ZFPM2: variants seen among roughly 807,000 people sequenced by gnomAD.
The protein encoded by ZFPM2 is zinc finger protein ZFPM2.
In ZFPM2, 20 loss-of-function variants were observed where a neutral mutation model predicts 98.6. That is an observed-to-expected ratio of 0.20 (90% confidence interval 0.14 to 0.29). The LOEUF (loss-of-function observed/expected upper bound fraction) is 0.29. Among genes scored for constraint, ZFPM2 ranks in the 10% least tolerant of loss-of-function variants. ZFPM2 has a pLI of 1.00. For synonymous variants in ZFPM2, 518 were observed against 502.7 expected (o/e 1.03, Z -0.41); for missense variants, 1,310 against 1,388.6 (o/e 0.94, Z 0.90).
At chr8:105,706,834 C>T (rs1811274788) in intron 5 of ZFPM2, among the ~76,000 whole-genome samples, 1 of 152,194 alleles carries the variant, frequency 6.6e-6, no homozygotes, top group Admixed American at 6.5e-5. Context: ...CCCGCCTCGG[C>T]CTCCCAAAGT....
chr8:105,559,169 C>T (rs1349320), intron 3 of ZFPM2, among the ~76,000 whole-genome samples: 10,396 of 152,140 alleles, frequency 0.068, 689 homozygotes, highest in African/African-American at 0.18. Flanking sequence ...AAAACATTTT[C>T]AGAGGAAAAT....
intron 4 of ZFPM2, among the ~76,000 whole-genome samples, chr8:105,591,127 A>G (rs1815833644): frequency 6.6e-6 from 1 of 152,130 alleles, no homozygotes; most frequent in Non-Finnish European, 1.5e-5. Context: ...AAAAGTAAAT[A>G]TAGACTATGA....
intron 4 of ZFPM2, among the ~76,000 whole-genome samples, chr8:105,584,473 C>T (rs1815670642): frequency 6.6e-6 from 1 of 152,020 alleles, no homozygotes; most frequent in Non-Finnish European, 1.5e-5. Flanking sequence ...TTTCTTTTTC[C>T]CGTGGCGTCA....
At chr8:105,467,781 G>A (rs1812821744) in intron 3 of ZFPM2, among the ~76,000 whole-genome samples, 1 of 151,832 alleles carries the variant, frequency 6.6e-6, no homozygotes, top group South Asian at 2.1e-4. Flanking sequence ...ATAAAAAAGA[G>A]TGTTCCTATG....
intron 1 of ZFPM2, among the ~76,000 whole-genome samples, chr8:105,328,630 A>G (rs1812158072): frequency 6.6e-6 from 1 of 151,882 alleles, no homozygotes; most frequent in Admixed American, 6.6e-5. Context: ...GTTTTTTCCA[A>G]GACTGTTGTC....
intron 3 of ZFPM2, among the ~76,000 whole-genome samples, chr8:105,521,660 C>G (rs540749503): frequency 6.6e-6 from 1 of 152,152 alleles, no homozygotes; most frequent in Admixed American, 6.5e-5. Context: ...TCACTGCAAC[C>G]TCTGCCTCCT....
intron 4 of ZFPM2, among the ~76,000 whole-genome samples, chr8:105,562,460 A>G (rs1586464886): frequency 6.6e-6 from 1 of 152,150 alleles, no homozygotes; most frequent in Non-Finnish European, 1.5e-5. Context: ...TGTGCCTTAA[A>G]ACAACATAAA....
intron 2 of ZFPM2, among the ~76,000 whole-genome samples, chr8:105,433,947 A>T (rs1034940277): frequency 1.3e-5 from 2 of 152,230 alleles, no homozygotes; most frequent in African/African-American, 4.8e-5. Flanking sequence ...TTTCATATTA[A>T]GGAGTCTGAA....
chr8:105,787,963 CCAGAGT>C (rs1813471684), intron 5 of ZFPM2, among the ~76,000 whole-genome samples: 1 of 152,056 alleles, frequency 6.6e-6, no homozygotes, highest in Non-Finnish European at 1.5e-5. Context: ...ACATGCAGTG[CCAGAGT>C]ATATCTCAGT....
At chr8:105,561,520 G>C in intron 4 of ZFPM2, 39 bp downstream of exon 4, 1 of 1,468,396 alleles carries the variant, frequency 6.8e-7, no homozygotes, top group Non-Finnish European at 9.3e-7. Flanking sequence ...TTTTGTCATC[G>C]ACTGTTAGTA....
chr8:105,354,125 G>A (rs1341800937), intron 1 of ZFPM2, among the ~76,000 whole-genome samples: 3 of 152,164 alleles, frequency 2.0e-5, no homozygotes, highest in African/African-American at 7.2e-5. Flanking sequence ...TTTTTTACAC[G>A]AAGAAATGTG....
Position 105,585,641 on chromosome 8 carries a change from C to T in ZFPM2, c.420+24160C>T, listed in dbSNP as rs997621221. On this transcript the variant is annotated intron_variant, in intron 4 of 7. Coordinates refer to ENST00000407775, the MANE Select transcript of ZFPM2 (RefSeq NM_012082.4). ...ATTATATTCTAGTGACAAATACAGA[C>T]AAATAAATGTGCAATTACTATACAG... 5.3e-5 allele frequency among the ~76,000 whole-genome samples: 8 copies of T among 151,878 alleles called. No homozygotes were observed. The South Asian group carries it at 6.2e-4, about 12-fold the overall frequency.
chr8:105,323,238 C>T (rs1812060742), intron 1 of ZFPM2, among the ~76,000 whole-genome samples: 1 of 151,638 alleles, frequency 6.6e-6, no homozygotes, highest in Non-Finnish European at 1.5e-5. Context: ...GGGAATACTA[C>T]CTATATTTGA....
intron 5 of ZFPM2, among the ~76,000 whole-genome samples, chr8:105,733,252 A>T (rs1388654495): frequency 2.0e-5 from 3 of 151,912 alleles, no homozygotes; most frequent in Non-Finnish European, 2.9e-5. Context: ...CATGCCTCTT[A>T]TCTGGCCTCA....
chr8:105,677,748 A>G (rs1324769511), intron 5 of ZFPM2, among the ~76,000 whole-genome samples: 1 of 152,142 alleles, frequency 6.6e-6, no homozygotes, highest in Non-Finnish European at 1.5e-5. Context: ...AACTGAATTA[A>G]CTTCTAGGAG....
intron 3 of ZFPM2, among the ~76,000 whole-genome samples, chr8:105,479,377 T>C (rs532767003): frequency 1.7e-3 from 264 of 152,332 alleles, no homozygotes; most frequent in African/African-American, 6.1e-3. Context: ...TTTAAGACTG[T>C]AACATACTTG....
rs764240981 is a variant in ZFPM2 at position 105,788,837 on chromosome 8, A to G, written c.652A>G (p.Met218Val). 20 of 1,613,930 alleles carry G rather than the reference A, an allele frequency of 1.2e-5. No individual in the cohort carries two copies. In the South Asian group the frequency reaches 1.9e-4, roughly 15 times the overall value. ...CAGTCAGATGACTCTCACAGAAGGG[A>G]TGTACCCTGCACGCCTGCTGGACTC... ...AASQMTLTEG[M>V]YPARLLDSIQ... The change falls in exon 6 of 8, where the codon ATG (methionine) becomes GTG (valine). Residue 218 changes from methionine to valine, a missense_variant. Met to Val is a conservative substitution (Grantham distance 21). Coordinates refer to ENST00000407775, the MANE Select transcript of ZFPM2 (RefSeq NM_012082.4).
intron 5 of ZFPM2, among the ~76,000 whole-genome samples, chr8:105,708,554 C>T (rs1295615892): frequency 2.6e-5 from 4 of 152,032 alleles, no homozygotes; most frequent in African/African-American, 4.8e-5. Context: ...CTCAGCCTCC[C>T]GAGTAGTTGG....
intron 4 of ZFPM2, among the ~76,000 whole-genome samples, chr8:105,599,474 T>C (rs1816046689): frequency 6.6e-6 from 1 of 151,588 alleles, no homozygotes; most frequent in African/African-American, 2.4e-5. Context: ...CAGCAAGATA[T>C]CATTAGCTCG....
Sources: allele counts gnomAD v4.1 joint callset (sites outside exome capture counted in the v4.1 genomes callset), GRCh38; gene constraint gnomAD v4.1.1; transcripts MANE v1.5; gene names NCBI Gene and HGNC (gene_info 2026-07-23, HGNC 2026-07-21).